Variants in SARS2 observed in about 807,000 individuals in gnomAD.
SARS2 encodes seryl-tRNA synthetase 2, mitochondrial, also known as serine--tRNA ligase, mitochondrial.
Under a neutral mutation model 66.8 loss-of-function variants are expected in SARS2, and 52 were observed. That is an observed-to-expected ratio of 0.78 (90% confidence interval 0.62 to 0.98). SARS2 has a LOEUF of 0.98. Ranked by LOEUF, SARS2 falls within the 50% of genes least tolerant of loss-of-function variation. The probability of loss-of-function intolerance (pLI) is 0.00; values close to 1 mark genes in which losing one functional copy is unlikely to be tolerated. For missense variants in SARS2, 673 were observed against 706.3 expected, an observed-to-expected ratio of 0.95 and a Z score of 0.53; for synonymous variants, 306 against 281.4, an observed-to-expected ratio of 1.09 and a Z score of -0.87.
Position 38,930,525 on chromosome 19 carries a change from G to T in SARS2, c.212C>A (p.Ala71Glu). 1 of 1,613,068 alleles carries T rather than the reference G, an allele frequency of 6.2e-7. No individual in the cohort carries two copies. The highest frequency in any genetic ancestry group is 1.7e-4 in the Middle Eastern group (1 of 6,058). ...CCCCTTGCGGAGCTCCAGGGCGTGT[G>T]CGGCCTCTTCTGGGCATGCGCAGAA... ...ERFCACPEEA[A>E]HALELRKGEL... Residue 71 changes from alanine (A) to glutamate (E), a missense_variant, in exon 1 of 16, where the codon GCA becomes GAA. Transcript: ENST00000221431.
intron 7 of SARS2, among the ~76,000 whole-genome samples, chr19:38,919,211 C>A (rs987618610): frequency 6.6e-6 from 1 of 152,142 alleles, no homozygotes; most frequent in African/African-American, 2.4e-5. Flanking sequence ...TACTTAAACC[C>A]GGGAGGTGGA....
chr19:38,930,620 T>C lies in SARS2; in HGVS notation c.117A>G (p.Arg39=), dbSNP rs2144788109. ...SPRRSFTTEK[R]NRNLLYEYAR... is the part of the protein sequence containing the mutation. The stretch of plus-strand genomic sequence containing the variant: ...CATACTCGTACAGGAGGTTCCGGTT[T>C]CGTTTCTCTGTAGTGAAACTTCTCC... Residue 39 remains arginine, a synonymous_variant, in exon 1 of 16, where the codon CGA becomes CGG. Coordinates refer to ENST00000221431, the MANE Select transcript of SARS2 (RefSeq NM_017827.4). The C allele has an allele frequency of 6.2e-7, 1 of 1,614,180 alleles. No homozygotes were observed. The highest frequency in any genetic ancestry group is 8.5e-7 in the Non-Finnish European group (1 of 1,180,038).
rs182583835 is a variant in SARS2, at chr19:38,915,299, C to A, written c.*307G>T. On this transcript the variant is annotated 3_prime_UTR_variant, in exon 16 of 16. Coordinates refer to ENST00000221431, the MANE Select transcript of SARS2 (RefSeq NM_017827.4). ...GACCATTTATTGGGGACTTTTTGCTCAGCACTGTAGGAGGAAAGAAGGAAG... is the reference window on the plus strand; with the variant it reads ...GACCATTTATTGGGGACTTTTTGCTAAGCACTGTAGGAGGAAAGAAGGAAG... The A allele has an allele frequency of 5.8e-6, 3 of 519,306 alleles. No individual in the cohort carries two copies. The East Asian group carries it at 8.8e-5, about 15-fold the overall frequency. 32.2% of individuals were successfully genotyped at this position (519,306 alleles called of 1,614,324 possible). A position where few individuals can be genotyped will look rare whatever the true frequency, so the allele number is the denominator to read the frequency against.
rs780499657 is a variant in SARS2, at chr19:38,930,593, C to T, written c.144G>A (p.Ala48=). The T allele has an allele frequency of 6.2e-7, 1 of 1,614,096 alleles. No homozygotes were observed. Among genetic ancestry groups the T allele is most frequent in the Admixed American group, 1.7e-5 (1 of 60,028 alleles). The change falls in exon 1 of 16, where the codon GCG becomes GCA. Residue 48 remains alanine (A), a synonymous_variant. Coordinates refer to ENST00000221431, the MANE Select transcript of SARS2 (RefSeq NM_017827.4). ...GAGGGAGTGCGCTGTAGCCCTCGCGCGCATACTCGTACAGGAGGTTCCGGT... is the reference window on the plus strand; with the variant it reads ...GAGGGAGTGCGCTGTAGCCCTCGCGTGCATACTCGTACAGGAGGTTCCGGT... ...KRNRNLLYEY[A]REGYSALPQL... is the part of the protein sequence containing the mutation.
chr19:38,920,010 G>A (rs1257361409), intron 6 of SARS2, 76 bp downstream of exon 6: 8 of 1,418,292 alleles, frequency 5.6e-6, no homozygotes, highest in Non-Finnish European at 5.9e-6. Context: ...TCACGCTGAG[G>A]CCAATGAGGC....
At position 38,918,659 on chromosome 19, in the gene SARS2, C is replaced by T. The variant is rs527737405; in HGVS notation, c.807+107G>A. ...CCTGGCCTCCCTGGTATGGCCTGGC[C>T]CCCTCAACCCAGCCCCAGGGCGGTC... is the stretch of plus-strand genomic sequence containing the variant. On this transcript the variant is annotated intron_variant, in intron 8 of 15. Coordinates refer to ENST00000221431, the MANE Select transcript of SARS2 (RefSeq NM_017827.4). 3 of 1,423,650 alleles carry T rather than the reference C, an allele frequency of 2.1e-6. No homozygotes were observed. The East Asian group carries it at 7.4e-5, about 35-fold the overall frequency. 88.2% of individuals were successfully genotyped at this position (1,423,650 alleles called of 1,614,324 possible).
Position 38,919,753 on chromosome 19 carries a change from G to A in SARS2, c.759+9C>T. 1.2e-6 allele frequency: 2 copies of A among 1,611,306 alleles called. No homozygotes were observed. Among genetic ancestry groups the A allele is most frequent in the Non-Finnish European group, 1.7e-6 (2 of 1,177,386 alleles). ...CCCCTCCAGGCAGCCCTCCTATCTT[G>A]GCCCATACCCGGCGGAGAAGCTTGT... On this transcript the variant is annotated intron_variant, in intron 7 of 15. Transcript: ENST00000221431.
chr19:38,916,817 C>A (rs1325393794), intron 12 of SARS2, among the ~76,000 whole-genome samples: 2 of 152,078 alleles, frequency 1.3e-5, no homozygotes, highest in Non-Finnish European at 2.9e-5. Context: ...TGTGTGCCAC[C>A]ATGCCCGGCT....
intron 2 of SARS2, 117 bp from the exon 3 acceptor site, chr19:38,922,384 C>A (rs1013239351): frequency 8.9e-5 from 85 of 949,890 alleles, no homozygotes; most frequent in South Asian, 2.5e-4. Flanking sequence ...TCTGTCAGTG[C>A]CTAGCTGGGT....
Position 38,915,554 on chromosome 19 carries a change from T to A in SARS2, c.*52A>T, listed in dbSNP as rs1974394243. 1.2e-6 allele frequency: 2 copies of A among 1,600,336 alleles called. No homozygotes were observed. Among genetic ancestry groups the A allele is most frequent in the African/African-American group, 2.7e-5 (2 of 74,742 alleles). ...ACACAGGTCCCAGGTGTCCGGGGTC[T>A]CCTGAACTCCAGGAAGCAGTGACAC... On this transcript the variant is annotated 3_prime_UTR_variant, in exon 16 of 16. Coordinates refer to ENST00000221431, the MANE Select transcript of SARS2 (RefSeq NM_017827.4).
At chr19:38,928,969 C>A (rs558013499) in intron 1 of SARS2, among the ~76,000 whole-genome samples, 1 of 152,152 alleles carries the variant, frequency 6.6e-6, no homozygotes, top group Admixed American at 6.5e-5. Flanking sequence ...GTACTCCTAG[C>A]ACTTTGGGAG....
In SARS2 at chr19:38,918,812, C is replaced by A. The variant is rs1315421572; in HGVS notation, c.761G>T (p.Gly254Val). 1 of 1,559,872 alleles carries A rather than the reference C, an allele frequency of 6.4e-7. No individual in the cohort carries two copies. The highest frequency in any genetic ancestry group is 1.4e-5 in the African/African-American group (1 of 74,002). Residue 254 changes from glycine to valine, a missense_variant and splice_region_variant, in exon 8 of 16, where the codon GGC (glycine) becomes GTC (valine). Gly to Val is a moderately radical substitution (Grantham distance 109). Transcript: ENST00000221431. ...NFTFNKLLRR[G>V]FTPMTVPDLL... ...GTCTGGCACCGTCATGGGGGTGAAG[C>A]CCTGTTCAGGGGAGAGGATGAGTGA...
rs1253534982 is a variant in SARS2 at position 38,930,450 on chromosome 19, G to A, written c.267+20C>T. 6 of 1,581,844 alleles carry A rather than the reference G, an allele frequency of 3.8e-6. No homozygotes were observed. Among genetic ancestry groups the A allele is most frequent in the Non-Finnish European group, 5.2e-6 (6 of 1,163,878 alleles). On this transcript the variant is annotated intron_variant, in intron 1 of 15. Coordinates refer to ENST00000221431, the MANE Select transcript of SARS2 (RefSeq NM_017827.4). ...GTAAAGCAAACGTCTGCGCCCCCCGGCCGGCGCAGGCGCACTCACGATCGC... is the reference window on the plus strand; with the variant it reads ...GTAAAGCAAACGTCTGCGCCCCCCGACCGGCGCAGGCGCACTCACGATCGC...
intron 12 of SARS2, among the ~76,000 whole-genome samples, chr19:38,916,792 A>G (rs941593647): frequency 6.6e-6 from 1 of 151,758 alleles, no homozygotes; most frequent in Non-Finnish European, 1.5e-5. Context: ...CCTCCTGAGT[A>G]GATGGGATTA....
chr19:38,916,123 T>C lies in SARS2; in HGVS notation c.1261A>G (p.Ser421Gly). ...PGRGRFGEVT[S>G]ASNCTDFQSR... ...TGGAAGTCTGTGCAGTTGGAAGCACTGGTGACCTGGGGTGGAGGAGCGGCA... is the reference window on the plus strand; with the variant it reads ...TGGAAGTCTGTGCAGTTGGAAGCACCGGTGACCTGGGGTGGAGGAGCGGCA... The change falls in exon 14 of 16, where the codon AGT (serine) becomes GGT (glycine). Residue 421 changes from serine (S) to glycine (G), a missense_variant. By Grantham distance (56) the Ser-to-Gly change is moderately conservative. Transcript: ENST00000221431. The C allele has an allele frequency of 6.2e-7, 1 of 1,613,892 alleles. No individual in the cohort carries two copies. The highest frequency in any genetic ancestry group is 8.5e-7 in the Non-Finnish European group (1 of 1,179,930).
chr19:38,917,887 C>A lies in SARS2; in HGVS notation c.1050+34G>T, dbSNP rs755577742. The A allele has an allele frequency of 1.4e-5, 22 of 1,613,184 alleles. No individual in the cohort carries two copies. The East Asian group carries it at 2.2e-4, about 16-fold the overall frequency. On this transcript the variant is annotated intron_variant, in intron 11 of 15. Coordinates refer to ENST00000221431, the MANE Select transcript of SARS2 (RefSeq NM_017827.4). Reference sequence around the variant, plus strand: ...GCTCTGAGCTCTTGGGGTGGCCCCCCACCCCAGCCCCGTTTAGTCCCAGCG... The same window carrying A: ...GCTCTGAGCTCTTGGGGTGGCCCCCAACCCCAGCCCCGTTTAGTCCCAGCG...
intron 2 of SARS2, among the ~76,000 whole-genome samples, chr19:38,924,213 G>T (rs1004232936): frequency 1.3e-5 from 2 of 152,116 alleles, no homozygotes; most frequent in South Asian, 4.2e-4. Context: ...AAGTCTATCA[G>T]TGTGCATTTG....
At chr19:38,921,034 CACACAGAT>C (rs1340907521) in intron 5 of SARS2, among the ~76,000 whole-genome samples, 22 of 141,920 alleles carry the variant, frequency 1.6e-4, no homozygotes, top group East Asian at 1.4e-3. Context: ...GATACAGACA[CACACAGAT>C]ACACAGATAC....
intron 12 of SARS2, 78 bp from the exon 13 acceptor site, chr19:38,916,392 G>A (rs1974419271): frequency 1.5e-6 from 2 of 1,325,178 alleles, no homozygotes; most frequent in Admixed American, 1.9e-5. Context: ...AACGATGGAA[G>A]AGAAGGCAGC....
Sources: gnomAD v4.1 joint callset for allele counts (sites outside exome capture counted in the v4.1 genomes callset) on GRCh38, gnomAD v4.1.1 for gene constraint, MANE v1.5 for transcripts, NCBI Gene and HGNC (gene_info 2026-07-23, HGNC 2026-07-21) for gene names.